Variants in GNB4 observed in about 807,000 individuals in gnomAD.
GNB4 encodes G protein subunit beta 4, also known as guanine nucleotide-binding protein subunit beta-4.
GNB4 carries 28 observed loss-of-function variants against 45.2 expected under a neutral mutation model. The observed-to-expected ratio is 0.62, with a 90% CI of 0.46 to 0.85. The LOEUF is 0.85. GNB4 is among the 40% of genes least tolerant of loss of function. GNB4 has a pLI of 0.00. For missense variants in GNB4, 321 were observed against 425.4 expected, an observed-to-expected ratio of 0.75 and a Z score of 2.16; for synonymous variants, 132 against 143.7, an observed-to-expected ratio of 0.92 and a Z score of 0.58.
At chr3:179,436,685 C>T (rs1715460047) in intron 1 of GNB4, among the ~76,000 whole-genome samples, 1 of 152,168 alleles carries the variant, frequency 6.6e-6, no homozygotes, top group Non-Finnish European at 1.5e-5. Context: ...CTTTCTTTCT[C>T]AGGAAGTTAG....
chr3:179,408,822 A>G lies in GNB4; in HGVS notation c.700-3416T>C, dbSNP rs559527936. Among the ~76,000 whole-genome samples the G allele has an allele frequency of 4.3e-4, 65 of 150,994 alleles. No individual in the cohort carries two copies. In the South Asian group the frequency reaches 7.8e-3, roughly 18 times the overall value. On this transcript the variant is annotated intron_variant, in intron 8 of 9. Coordinates refer to ENST00000232564, the MANE Select transcript of GNB4 (RefSeq NM_021629.4). ...AAAGAAAAAGAAAGAAACTCAAAAA[A>G]AAAAAGAAACTCATAGATCCAAACA...
At chr3:179,494,272 A>G in the GNB4 span, among the ~76,000 whole-genome samples, 1 of 151,510 alleles carries the variant, frequency 6.6e-6, no homozygotes, top group Non-Finnish European at 1.5e-5. Flanking sequence ...GAAGAAAGAA[A>G]GAAAGAGAAA....
the GNB4 span, among the ~76,000 whole-genome samples, chr3:179,468,049 T>TAGAGAGAGAGAGAGAGAGAGAGAGAGAG: frequency 7.6e-6 from 1 of 130,988 alleles, no homozygotes; most frequent in Admixed American, 7.6e-5. Context: ...TATATATATA[T>TAGAGAGAGAGAGAGAGAGAGAGAGAGAG]AGAACAGGTG....
upstream of GNB4, among the ~76,000 whole-genome samples, chr3:179,454,131 T>A (rs1167219049): frequency 6.6e-6 from 1 of 152,240 alleles, no homozygotes; most frequent in South Asian, 2.1e-4. Flanking sequence ...ATCCTACTTC[T>A]GAGGATTAAG....
intron 9 of GNB4, 63 bp from the exon 10 acceptor site, chr3:179,401,382 CAG>C: frequency 1.0e-6 from 1 of 990,752 alleles, no homozygotes; most frequent in South Asian, 1.5e-5. Flanking sequence ...CAAGTATATG[CAG>C]AGATTTAAAA....
upstream of GNB4, among the ~76,000 whole-genome samples, chr3:179,454,745 T>A (rs1357654790): frequency 6.6e-6 from 1 of 152,222 alleles, no homozygotes; most frequent in Non-Finnish European, 1.5e-5. Context: ...CCTGTATGTG[T>A]TGTATGCATT....
intron 9 of GNB4, among the ~76,000 whole-genome samples, chr3:179,403,364 C>A (rs1010188859): frequency 6.6e-5 from 10 of 151,818 alleles, no homozygotes; most frequent in Admixed American, 5.9e-4. Flanking sequence ...AAAAAAAATT[C>A]TTTCACTAAT....
the GNB4 span, among the ~76,000 whole-genome samples, chr3:179,499,445 C>A: frequency 6.6e-6 from 1 of 152,146 alleles, no homozygotes; most frequent in African/African-American, 2.4e-5. Flanking sequence ...AGGCTTGAGC[C>A]ACCACGCCTG....
the GNB4 span, among the ~76,000 whole-genome samples, chr3:179,527,350 G>GAAT: frequency 6.6e-6 from 1 of 152,212 alleles, no homozygotes; most frequent in Non-Finnish European, 1.5e-5. Flanking sequence ...GTTGTGCCCA[G>GAAT]AATACAGTTG....
chr3:179,499,910 C>T, the GNB4 span, among the ~76,000 whole-genome samples: 2 of 152,140 alleles, frequency 1.3e-5, no homozygotes, highest in Non-Finnish European at 2.9e-5. Context: ...TATCCTTTGC[C>T]CACATTTGAT....
intron 1 of GNB4, among the ~76,000 whole-genome samples, chr3:179,443,028 C>G (rs1040868009): frequency 6.6e-6 from 1 of 152,102 alleles, no homozygotes; most frequent in East Asian, 1.9e-4. Flanking sequence ...TGGTTACATA[C>G]AAAAATTTTA....
chr3:179,427,529 T>C (rs1158760776), intron 1 of GNB4, among the ~76,000 whole-genome samples: 1 of 149,216 alleles, frequency 6.7e-6, no homozygotes, highest in Admixed American at 6.8e-5. Context: ...TGCTTGAATC[T>C]GGGAGGAGGA....
intron 2 of GNB4, among the ~76,000 whole-genome samples, chr3:179,425,536 G>A (rs942351835): frequency 5.3e-5 from 8 of 152,082 alleles, no homozygotes; most frequent in Non-Finnish European, 1.2e-4. Context: ...AGTGGCGTGA[G>A]TTCAGCTCGT....
At chr3:179,473,196 C>G in the GNB4 span, among the ~76,000 whole-genome samples, 556 of 152,146 alleles carry the variant, frequency 3.7e-3, no homozygotes, top group Admixed American at 5.4e-3. Context: ...AAAAGTCTGA[C>G]TACAGACATC....
intron 4 of GNB4, among the ~76,000 whole-genome samples, chr3:179,417,503 G>A (rs2108593819): frequency 6.6e-6 from 1 of 151,870 alleles, no homozygotes; most frequent in East Asian, 1.9e-4. Context: ...CGCCTCTCAG[G>A]TTCAAGTGAT....
At chr3:179,452,603 G>C (rs1395341558), upstream of GNB4, among the ~76,000 whole-genome samples, 1 of 152,092 alleles carries the variant, frequency 6.6e-6, no homozygotes, top group Non-Finnish European at 1.5e-5. Flanking sequence ...GTGATGCCAT[G>C]ATAAACACAC....
chr3:179,442,211 T>C (rs755513938), intron 1 of GNB4, among the ~76,000 whole-genome samples: 1 of 152,232 alleles, frequency 6.6e-6, no homozygotes, highest in Non-Finnish European at 1.5e-5. Flanking sequence ...CAAATGTTTA[T>C]GAGAATGTGG....
chr3:179,526,646 C>A, the GNB4 span, among the ~76,000 whole-genome samples: 1 of 152,202 alleles, frequency 6.6e-6, no homozygotes, highest in African/African-American at 2.4e-5. Context: ...TCAACACTGT[C>A]TTTGTTATCT....
the GNB4 span, among the ~76,000 whole-genome samples, chr3:179,508,626 A>G: frequency 6.6e-6 from 1 of 152,190 alleles, no homozygotes; most frequent in Admixed American, 6.5e-5. Flanking sequence ...ATCAAAAAGG[A>G]AAGATAATCC....
Sources: gnomAD v4.1 joint callset for allele counts (sites outside exome capture counted in the v4.1 genomes callset) on GRCh38, gnomAD v4.1.1 for gene constraint, MANE v1.5 for transcripts, NCBI Gene and HGNC (gene_info 2026-07-23, HGNC 2026-07-21) for gene names.